SLC1A5: variants seen among roughly 807,000 people sequenced by gnomAD.
SLC1A5 encodes the protein neutral amino acid transporter B(0).
Under a neutral mutation model 34.9 loss-of-function variants are expected in SLC1A5, and 25 were observed. The observed-to-expected ratio is 0.72, with a 90% CI of 0.52 to 1.00. The LOEUF (loss-of-function observed/expected upper bound fraction) is 1.00, where lower values mean the gene tolerates loss of function less well. Ranked by LOEUF, SLC1A5 falls within the 50% of genes least tolerant of loss-of-function variation. The pLI, the probability that SLC1A5 is intolerant of heterozygous loss-of-function variation, is 0.00. For missense variants in SLC1A5, 637 were observed against 740.0 expected (o/e 0.86, Z 1.61); for synonymous variants, 351 against 341.2 (o/e 1.03, Z -0.32).
chr19:46,783,072 C>G (rs2055159455), intron 3 of SLC1A5, among the ~76,000 whole-genome samples: 1 of 152,176 alleles, frequency 6.6e-6, no homozygotes, highest in African/African-American at 2.4e-5. Flanking sequence ...AGCCCTTGGT[C>G]ATAGACTGTA....
intron 4 of SLC1A5, among the ~76,000 whole-genome samples, chr19:46,780,014 A>C (rs939773003): frequency 2.0e-5 from 3 of 151,888 alleles, no homozygotes; most frequent in Non-Finnish European, 2.9e-5. Flanking sequence ...TACCACGCCC[A>C]GCTAATTTTT....
At chr19:46,778,939 C>T (rs777877789) in intron 4 of SLC1A5, 31 bp from the exon 5 acceptor site, 12 of 1,491,570 alleles carry the variant, frequency 8.0e-6, no homozygotes, top group Non-Finnish European at 1.1e-5. Flanking sequence ...CAGCTTGTTG[C>T]CTCTTCCACG....
At chr19:46,778,465 C>T (rs113888252) in intron 5 of SLC1A5, among the ~76,000 whole-genome samples, 12 of 152,170 alleles carry the variant, frequency 7.9e-5, no homozygotes, top group Admixed American at 5.9e-4. Context: ...TCCAGGGCCA[C>T]GGGGAGGCAG....
intron 7 of SLC1A5, among the ~76,000 whole-genome samples, chr19:46,776,438 C>T (rs1194937574): frequency 6.6e-6 from 1 of 152,110 alleles, no homozygotes; most frequent in African/African-American, 2.4e-5. Flanking sequence ...AAACTCCTAA[C>T]CTCAAATAAT....
chr19:46,780,413 T>G (rs112655142), intron 4 of SLC1A5, among the ~76,000 whole-genome samples: 17,968 of 151,722 alleles, frequency 0.12, 1,131 homozygotes, highest in African/African-American at 0.15. Flanking sequence ...GAGTGTACTG[T>G]TGCAATCTTG....
At chr19:46,784,638 T>C in intron 1 of SLC1A5, 79 bp from the exon 2 acceptor site, 1 of 1,613,244 alleles carries the variant, frequency 6.2e-7, no homozygotes, top group South Asian at 1.1e-5. Context: ...GGTTGGCGTT[T>C]TAAGGCAGCG....
intron 1 of SLC1A5, 117 bp from the exon 2 acceptor site, chr19:46,784,676 C>T (rs373927640): frequency 4.2e-5 from 67 of 1,602,782 alleles, no homozygotes; most frequent in South Asian, 7.8e-5. Context: ...CCCGCCTGCA[C>T]GCAAATACAG....
intron 3 of SLC1A5, among the ~76,000 whole-genome samples, 163 bp downstream of exon 3, chr19:46,783,934 G>C (rs528761276): frequency 4.1e-4 from 63 of 151,836 alleles, no homozygotes; most frequent in Non-Finnish European, 7.1e-4. Context: ...GGAAAAGAGG[G>C]GACAAAGTAG....
At chr19:46,783,481 AAAAG>A (rs942285840) in intron 3 of SLC1A5, among the ~76,000 whole-genome samples, 4 of 140,328 alleles carry the variant, frequency 2.9e-5, no homozygotes, top group South Asian at 2.3e-4. Context: ...AAAAAAAAAA[AAAAG>A]AAAGAAAGAA....
chr19:46,787,693 G>A lies in SLC1A5; in HGVS notation c.273C>T (p.Phe91=). ...GCAGACGCAGCAGCAGCTCGCCCGG[G>A]AAGACGAAGGCGCTCAAGCGCTCCG... is the stretch of plus-strand genomic sequence containing the variant. ...LGPERLSAFV[F]PGELLLRLLR... Residue 91 remains phenylalanine, a synonymous_variant, in exon 1 of 8, where the codon TTC becomes TTT. Coordinates refer to ENST00000542575, the MANE Select transcript of SLC1A5 (RefSeq NM_005628.3). The surrounding 1 kb of genome is among the most constrained non-coding windows in gnomAD (Gnocchi z 5.2). The A allele has an allele frequency of 6.3e-7, 1 of 1,588,586 alleles. No individual in the cohort carries two copies.
rs969056658 is a variant in SLC1A5 at position 46,774,935 on chromosome 19, C to G, written c.*575G>C. The G allele has an allele frequency of 2.0e-6, 2 of 985,864 alleles. No individual in the cohort carries two copies. The highest frequency in any genetic ancestry group is 3.5e-5 in the African/African-American group (2 of 57,200). The allele number at this position is 985,864 out of a possible 1,614,324, so 61.1% of individuals were successfully genotyped here. A position where few individuals can be genotyped will look rare whatever the true frequency, so the allele number is the denominator to read the frequency against. ...CTAAAAAAAATGTCCTCTGGAGTGA[C>G]AGCAGGTATTTGTCCTCAGCCTCTC... On this transcript the variant is annotated 3_prime_UTR_variant, in exon 8 of 8. Coordinates refer to ENST00000542575, the MANE Select transcript of SLC1A5 (RefSeq NM_005628.3).
chr19:46,783,002 C>A (rs572695265), intron 3 of SLC1A5, among the ~76,000 whole-genome samples: 239 of 152,234 alleles, frequency 1.6e-3, no homozygotes, highest in African/African-American at 5.6e-3. Flanking sequence ...ATAATCTGGG[C>A]AGGGTCACTA....
At chr19:46,782,345 A>ACCCCCCCCCCCCCCCCCCCCCCCC in intron 4 of SLC1A5, 38 bp downstream of exon 4, 23 of 292,422 alleles carry the variant, frequency 7.9e-5, no homozygotes, top group Middle Eastern at 2.2e-3. Context: ...CCGACCCTCC[A>ACCCCCCCCCCCCCCCCCCCCCCCC]ACCCCACCCA....
In SLC1A5 at chr19:46,787,108, C is replaced by G. The variant is rs1056340934; in HGVS notation, c.566+292G>C. 2.8e-6 allele frequency: 2 copies of G among 701,900 alleles called. No individual in the cohort carries two copies. Among genetic ancestry groups the G allele is most frequent in the Non-Finnish European group, 2.0e-6 (1 of 498,334 alleles). The allele number at this position is 701,900 out of a possible 1,614,324, so 43.5% of individuals were successfully genotyped here. ...AAAGTTCCTCCTGGGGTCCCCTCCC[C>G]TCAGTGTCTTTCTCCCCTAGGCAGA... On this transcript the variant is annotated intron_variant, in intron 1 of 7. Transcript: ENST00000542575. This position sits in a 1 kb window ranked among gnomAD's most constrained non-coding sequence, Gnocchi z 5.2.
intron 7 of SLC1A5, among the ~76,000 whole-genome samples, chr19:46,776,197 ATTTTT>A (rs57733706): frequency 1.6e-4 from 20 of 121,774 alleles, no homozygotes; most frequent in Non-Finnish European, 1.7e-4. Flanking sequence ...TAATTCCAGA[ATTTTT>A]TTTTTTTTTT....
Position 46,788,028 on chromosome 19 carries a change from CA to C in SLC1A5, c.-64del. On this transcript the variant is annotated 5_prime_UTR_variant, in exon 1 of 8. Coordinates refer to ENST00000542575, the MANE Select transcript of SLC1A5 (RefSeq NM_005628.3). Reference sequence around the variant, plus strand: ...GGCTGGGAGCGCTTGGGCTCCTTCCCAGGACCCGACGTTCCTAGGACTGAGT... The same window carrying C: ...GGCTGGGAGCGCTTGGGCTCCTTCCCGGACCCGACGTTCCTAGGACTGAGT... The C allele has an allele frequency of 7.0e-7, 1 of 1,436,840 alleles. No homozygotes were observed. The highest frequency in any genetic ancestry group is 9.2e-7 in the Non-Finnish European group (1 of 1,082,898). The allele number at this position is 1,436,840 out of a possible 1,614,324, so 89.0% of individuals were successfully genotyped here. A position where few individuals can be genotyped will look rare whatever the true frequency, so the allele number is the denominator to read the frequency against.
rs897170954 is a variant in SLC1A5, at chr19:46,775,453, C to T, written c.*57G>A. The T allele has an allele frequency of 3.9e-6, 6 of 1,554,296 alleles. No individual in the cohort carries two copies. The highest frequency in any genetic ancestry group is 1.4e-5 in the African/African-American group (1 of 73,218). ...CTAGCTCATCCATTTATCCATTCCT[C>T]ATAATCCAGTGTCCAAAGAGCACCC... On this transcript the variant is annotated 3_prime_UTR_variant, in exon 8 of 8. Transcript: ENST00000542575.
At chr19:46,784,990 G>C (rs2055176991) in intron 1 of SLC1A5, 10 of 666,842 alleles carry the variant, frequency 1.5e-5, no homozygotes, top group Non-Finnish European at 2.0e-5. Flanking sequence ...GCGGTGGCGG[G>C]GAGGGAGAAA....
rs200103175 is a variant in SLC1A5, at chr19:46,784,075, C to G, written c.657+22G>C. The stretch of plus-strand genomic sequence containing the variant: ...GCAATAGGCAAAGAGGTAGAGCCCC[C>G]GCTGCCTCCCACTGCTCTCACCTTC... On this transcript the variant is annotated intron_variant, in intron 3 of 7. Transcript: ENST00000542575. 1.5e-4 allele frequency: 236 copies of G among 1,604,434 alleles called. 1 individual carries two copies. The East Asian group carries it at 5.1e-3, about 35-fold the overall frequency.
Sources: gnomAD v4.1 joint callset for allele counts (sites outside exome capture counted in the v4.1 genomes callset) on GRCh38, gnomAD v4.1.1 for gene constraint, Gnocchi (gnomAD v3.1) non-coding constraint, MANE v1.5 for transcripts, NCBI Gene and HGNC (gene_info 2026-07-23, HGNC 2026-07-21) for gene names.